The following ARB2A variants were observed in gnomAD, a reference collection of about 807,000 sequenced individuals.
ARB2A encodes the protein ARB2 cotranscriptional regulator A.
the ARB2A span, among the ~76,000 whole-genome samples, chr5:94,003,048 A>G: frequency 6.6e-6 from 1 of 152,212 alleles, no homozygotes; most frequent in Non-Finnish European, 1.5e-5. Flanking sequence ...GAGAGTTTGT[A>G]TAATATTATT....
chr5:93,664,652 T>TAA, the ARB2A span, among the ~76,000 whole-genome samples: 4 of 147,946 alleles, frequency 2.7e-5, no homozygotes, highest in Admixed American at 2.0e-4. Flanking sequence ...TATATATATA[T>TAA]AATAATAATA....
chr5:94,071,725 G>C, the ARB2A span, among the ~76,000 whole-genome samples: 1 of 152,044 alleles, frequency 6.6e-6, no homozygotes, highest in African/African-American at 2.4e-5. Context: ...AAATGCTGAG[G>C]AGGATGTAGA....
the ARB2A span, among the ~76,000 whole-genome samples, chr5:93,712,963 G>C: frequency 6.6e-6 from 1 of 152,110 alleles, no homozygotes; most frequent in African/African-American, 2.4e-5. Flanking sequence ...GGAAAGGACA[G>C]TCTCCTCAAT....
At chr5:93,630,597 G>C in the ARB2A span, among the ~76,000 whole-genome samples, 1 of 152,122 alleles carries the variant, frequency 6.6e-6, no homozygotes, top group Non-Finnish European at 1.5e-5. Flanking sequence ...GGCGAAGCGT[G>C]GGGGTGGTAC....
chr5:93,772,774 G>C, the ARB2A span, among the ~76,000 whole-genome samples: 1 of 152,198 alleles, frequency 6.6e-6, no homozygotes, highest in African/African-American at 2.4e-5. Context: ...TGATATACCA[G>C]TTCCTTGCCA....
the ARB2A span, among the ~76,000 whole-genome samples, chr5:93,728,267 TAA>T: frequency 1.3e-5 from 2 of 152,188 alleles, no homozygotes; most frequent in South Asian, 2.1e-4. Flanking sequence ...AGAATTATCT[TAA>T]GTCAATTGTT....
chr5:93,786,547 C>T, the ARB2A span, among the ~76,000 whole-genome samples: 2 of 152,154 alleles, frequency 1.3e-5, no homozygotes, highest in African/African-American at 2.4e-5. Flanking sequence ...TACTGAAGAG[C>T]GGTTTACAAA....
the ARB2A span, among the ~76,000 whole-genome samples, chr5:93,834,918 C>G: frequency 6.6e-6 from 1 of 152,152 alleles, no homozygotes; most frequent in Non-Finnish European, 1.5e-5. Flanking sequence ...TGCAAACATA[C>G]TAAATCTATT....
chr5:93,708,317 G>C, the ARB2A span, among the ~76,000 whole-genome samples: 2 of 152,134 alleles, frequency 1.3e-5, no homozygotes, highest in East Asian at 1.9e-4. Context: ...AAGGCGACAT[G>C]TTTTCTATTT....
chr5:94,021,744 C>T, the ARB2A span, among the ~76,000 whole-genome samples: 1 of 152,112 alleles, frequency 6.6e-6, no homozygotes, highest in Non-Finnish European at 1.5e-5. Flanking sequence ...TTAAGGAACT[C>T]ATTAAAGTAG....
chr5:94,044,909 C>A, the ARB2A span, among the ~76,000 whole-genome samples: 2 of 151,778 alleles, frequency 1.3e-5, no homozygotes, highest in African/African-American at 4.8e-5. Flanking sequence ...CCTGAGGTCA[C>A]GAGTTGGAGA....
At chr5:93,823,964 ATAT>A in the ARB2A span, among the ~76,000 whole-genome samples, 2 of 151,946 alleles carry the variant, frequency 1.3e-5, no homozygotes, top group Non-Finnish European at 1.5e-5. Context: ...AATAATAATA[ATAT>A]TAATAAAATA....
chr5:93,861,053 T>A, the ARB2A span: 5 of 152,164 alleles, frequency 3.3e-5, no homozygotes, highest in African/African-American at 1.2e-4. Flanking sequence ...CAGTTTTGGT[T>A]TCAAGATGTA....
chr5:93,674,942 CAATTTAT>C, the ARB2A span, among the ~76,000 whole-genome samples: 5 of 152,136 alleles, frequency 3.3e-5, no homozygotes, highest in Admixed American at 2.0e-4. Flanking sequence ...GCACTGTTTA[CAATTTAT>C]AATTTATAAT....
chr5:94,020,556 G>A, the ARB2A span, among the ~76,000 whole-genome samples: 1 of 152,174 alleles, frequency 6.6e-6, no homozygotes, highest in Non-Finnish European at 1.5e-5. Flanking sequence ...CTACCAAACA[G>A]GCTACTAAGG....
chr5:93,971,717 A>C, the ARB2A span, among the ~76,000 whole-genome samples: 6 of 152,226 alleles, frequency 3.9e-5, no homozygotes, highest in South Asian at 1.0e-3. Flanking sequence ...ATTTATTTTG[A>C]GAGGCAGAGG....
the ARB2A span, among the ~76,000 whole-genome samples, chr5:93,629,905 A>G: frequency 6.6e-6 from 1 of 152,184 alleles, no homozygotes; most frequent in African/African-American, 2.4e-5. Flanking sequence ...CAATATAGCT[A>G]TGTTGATAAT....
At chr5:93,648,301 T>C in the ARB2A span, among the ~76,000 whole-genome samples, 1 of 152,164 alleles carries the variant, frequency 6.6e-6, no homozygotes, top group Admixed American at 6.5e-5. Flanking sequence ...CTAAGTTTTA[T>C]GACATTTTAA....
At chr5:93,679,034 T>C in the ARB2A span, among the ~76,000 whole-genome samples, 1 of 152,196 alleles carries the variant, frequency 6.6e-6, no homozygotes, top group Admixed American at 6.5e-5. Flanking sequence ...AAGTGGAATA[T>C]AAGTGACTAT....
Sources: allele counts gnomAD v4.1 joint callset (sites outside exome capture counted in the v4.1 genomes callset), GRCh38; gene constraint gnomAD v4.1.1; transcripts MANE v1.5; gene names NCBI Gene and HGNC (gene_info 2026-07-23, HGNC 2026-07-21).